Variants in NPSR1 observed in about 807,000 individuals in gnomAD.
NPSR1 encodes neuropeptide S receptor 1, also known as neuropeptide S receptor.
In NPSR1, 48 loss-of-function variants were observed where a neutral mutation model predicts 46.9. The ratio of observed to expected loss-of-function variants is 1.02; its 90% CI spans 0.81 to 1.30. The LOEUF (loss-of-function observed/expected upper bound fraction) is 1.30. Among genes scored for constraint, NPSR1 ranks in the 50% most tolerant of loss-of-function variants. The pLI is 0.00. For missense variants in NPSR1, 450 were observed against 449.5 expected (o/e 1.00, Z -0.01); for synonymous variants, 176 against 168.1 (o/e 1.05, Z -0.36).
chr7:34,834,642 C>A (rs916673553), intron 6 of NPSR1, among the ~76,000 whole-genome samples, 182 bp downstream of exon 6: 2 of 152,176 alleles, frequency 1.3e-5, no homozygotes, highest in East Asian at 3.8e-4. Flanking sequence ...CCCATGTGAC[C>A]TCCCTGAAAT....
At chr7:34,835,271 A>G (rs1013961333) in intron 6 of NPSR1, among the ~76,000 whole-genome samples, 2 of 152,196 alleles carry the variant, frequency 1.3e-5, no homozygotes, top group Non-Finnish European at 2.9e-5. Flanking sequence ...AGGCTCATAT[A>G]CACAAATACA....
intron 2 of NPSR1, among the ~76,000 whole-genome samples, chr7:34,778,055 G>T (rs1787056158): frequency 6.6e-6 from 1 of 152,192 alleles, no homozygotes; most frequent in Admixed American, 6.5e-5. Flanking sequence ...AATAATGGGT[G>T]TAGTAAGGGG....
chr7:34,868,551 G>C (rs563664345), intron 8 of NPSR1, among the ~76,000 whole-genome samples: 1 of 151,720 alleles, frequency 6.6e-6, no homozygotes, highest in Non-Finnish European at 1.5e-5. Context: ...AGGCACAGTA[G>C]TGTCTACGCT....
intron 6 of NPSR1, among the ~76,000 whole-genome samples, chr7:34,838,594 G>A (rs571024504): frequency 2.0e-5 from 3 of 152,144 alleles, no homozygotes; most frequent in Non-Finnish European, 4.4e-5. Flanking sequence ...TGATTAGTGT[G>A]AACAGAAGCT....
At chr7:34,776,135 C>A (rs1277124919) in intron 2 of NPSR1, among the ~76,000 whole-genome samples, 1 of 151,982 alleles carries the variant, frequency 6.6e-6, no homozygotes, top group Non-Finnish European at 1.5e-5. Context: ...TGTTTTCAGG[C>A]TTTTTAGTGA....
intron 2 of NPSR1, among the ~76,000 whole-genome samples, chr7:34,722,741 G>A (rs1233012842): frequency 1.3e-5 from 2 of 152,192 alleles, no homozygotes; most frequent in Non-Finnish European, 2.9e-5. Flanking sequence ...TGATGGTGTT[G>A]GAGATCCATT....
intron 3 of NPSR1, among the ~76,000 whole-genome samples, chr7:34,788,158 AG>A (rs1175435251): frequency 3.3e-5 from 5 of 151,326 alleles, no homozygotes; most frequent in Non-Finnish European, 7.4e-5. Context: ...GTAAAAGTGT[AG>A]AGTTTTTGTG....
At chr7:34,868,994 C>T (rs1382189703) in intron 8 of NPSR1, among the ~76,000 whole-genome samples, 1 of 151,630 alleles carries the variant, frequency 6.6e-6, no homozygotes, top group Non-Finnish European at 1.5e-5. Context: ...AGGACCTGCC[C>T]CTTGCTGTCT....
At chr7:34,706,737 T>C (rs1794132910) in intron 2 of NPSR1, among the ~76,000 whole-genome samples, 1 of 152,180 alleles carries the variant, frequency 6.6e-6, no homozygotes, top group African/African-American at 2.4e-5. Context: ...TTTCAGGGTT[T>C]CTTGAGCTAA....
chr7:34,816,025 C>T (rs1401934972), intron 4 of NPSR1, among the ~76,000 whole-genome samples: 2 of 152,118 alleles, frequency 1.3e-5, no homozygotes, highest in Non-Finnish European at 2.9e-5. Flanking sequence ...GCAAAATAAC[C>T]AGCTAACATC....
At chr7:34,677,875 A>G (rs1375058473) in intron 1 of NPSR1, among the ~76,000 whole-genome samples, 1 of 152,252 alleles carries the variant, frequency 6.6e-6, no homozygotes, top group Non-Finnish European at 1.5e-5. Flanking sequence ...GAGTGTGGAC[A>G]GCTGGCTAAG....
At chr7:34,714,024 A>G (rs73109519) in intron 2 of NPSR1, among the ~76,000 whole-genome samples, 21,632 of 152,304 alleles carry the variant, frequency 0.14, 2,073 homozygotes, top group East Asian at 0.34. Context: ...AGTGGAATAC[A>G]GTGAGGTGGC....
At chr7:34,671,434 C>T (rs934400495) in intron 1 of NPSR1, among the ~76,000 whole-genome samples, 2 of 152,080 alleles carry the variant, frequency 1.3e-5, no homozygotes, top group Non-Finnish European at 2.9e-5. Flanking sequence ...ATTGTATTTC[C>T]ATGACAGTAA....
chr7:34,836,707 G>A (rs2128760903), intron 6 of NPSR1, among the ~76,000 whole-genome samples: 1 of 142,176 alleles, frequency 7.0e-6, no homozygotes, highest in Non-Finnish European at 1.5e-5. Context: ...AGGAAGGAAG[G>A]AAGGAAAAGA....
At chr7:34,672,802 T>C (rs927392288) in intron 1 of NPSR1, among the ~76,000 whole-genome samples, 3 of 152,200 alleles carry the variant, frequency 2.0e-5, no homozygotes, top group African/African-American at 4.8e-5. Context: ...TGAAGACAAC[T>C]GAGGAAGATC....
chr7:34,819,014 GA>G (rs1789406368), intron 4 of NPSR1, among the ~76,000 whole-genome samples: 3 of 152,142 alleles, frequency 2.0e-5, no homozygotes, highest in Non-Finnish European at 4.4e-5. Context: ...CATGGGCAAA[GA>G]CTTCATGACT....
At chr7:34,801,804 G>T (rs1303273693) in intron 3 of NPSR1, among the ~76,000 whole-genome samples, 1 of 148,948 alleles carries the variant, frequency 6.7e-6, no homozygotes, top group Middle Eastern at 3.2e-3. Context: ...TGACATGATT[G>T]TATATCTAGC....
chr7:34,848,958 A>G (rs1584141062), intron 8 of NPSR1, among the ~76,000 whole-genome samples: 1 of 152,258 alleles, frequency 6.6e-6, no homozygotes, highest in Admixed American at 6.5e-5. Context: ...AATTGCCTCA[A>G]TACAATTCTA....
chr7:34,745,843 T>A (rs1785178610), intron 2 of NPSR1, among the ~76,000 whole-genome samples: 2 of 152,254 alleles, frequency 1.3e-5, no homozygotes, highest in Admixed American at 6.5e-5. Flanking sequence ...ATACTGTTTA[T>A]CTGATATTCC....
Sources: allele counts gnomAD v4.1 joint callset (sites outside exome capture counted in the v4.1 genomes callset), GRCh38; gene constraint gnomAD v4.1.1; transcripts MANE v1.5; gene names NCBI Gene and HGNC (gene_info 2026-07-23, HGNC 2026-07-21).